Variants in NELL2 observed in about 807,000 individuals in gnomAD.
NELL2 encodes the protein protein kinase C-binding protein NELL2.
A neutral mutation model predicts 109.6 loss-of-function variants in NELL2; 41 were observed. The ratio of observed to expected loss-of-function variants is 0.37; its 90% CI spans 0.29 to 0.49. The LOEUF (loss-of-function observed/expected upper bound fraction) is 0.49, where lower values mean the gene tolerates loss of function less well. Ranked by LOEUF, NELL2 falls within the 20% of genes least tolerant of loss-of-function variation. The pLI is 0.98. For synonymous variants in NELL2, 355 were observed against 344.7 expected (o/e 1.03, Z -0.33); for missense variants, 900 against 1,008.3 (o/e 0.89, Z 1.45).
At chr12:44,642,196 G>C (rs1946885067) in intron 13 of NELL2, among the ~76,000 whole-genome samples, 2 of 152,116 alleles carry the variant, frequency 1.3e-5, no homozygotes, top group South Asian at 4.1e-4. Flanking sequence ...CTACCATCTA[G>C]GCAAGGGTTC....
intron 6 of NELL2, 46 bp from the exon 7 acceptor site, chr12:44,777,170 G>A: frequency 1.2e-6 from 2 of 1,608,632 alleles, no homozygotes; most frequent in Non-Finnish European, 1.7e-6. Context: ...TTTATAAGGG[G>A]TTCAATCTGG....
intron 3 of NELL2, among the ~76,000 whole-genome samples, chr12:44,803,930 T>C (rs1171470923): frequency 6.6e-6 from 1 of 151,946 alleles, no homozygotes; most frequent in African/African-American, 2.4e-5. Flanking sequence ...TTCTTGAAAA[T>C]GTGCATAGTT....
At chr12:44,708,674 C>T (rs561193589) in intron 11 of NELL2, among the ~76,000 whole-genome samples, 70 of 152,166 alleles carry the variant, frequency 4.6e-4, no homozygotes, top group African/African-American at 1.7e-3. Flanking sequence ...TTAAAAATAG[C>T]GCTAAATATT....
At chr12:44,732,815 A>G (rs1939438956) in intron 9 of NELL2, among the ~76,000 whole-genome samples, 2 of 152,074 alleles carry the variant, frequency 1.3e-5, no homozygotes, top group East Asian at 1.9e-4. Flanking sequence ...AGGAGTCACT[A>G]TTCAAGATAC....
At position 44,849,370 on chromosome 12, in the gene NELL2, C is replaced by T. The variant is rs182846332; in HGVS notation, c.184+25855G>A. On this transcript the variant is annotated intron_variant, in intron 2 of 19. Coordinates refer to ENST00000429094, the MANE Select transcript of NELL2 (RefSeq NM_001145108.2). ...AAAGATGCAAATCTCATTTTTAGAA[C>T]AACTAAATGGACAGTTCACAAATAG... 1.5e-3 allele frequency among the ~76,000 whole-genome samples: 233 copies of T among 152,158 alleles called. 1 individual carries two copies. The highest frequency in any genetic ancestry group is 5.5e-3 in the African/African-American group (228 of 41,536).
At chr12:44,601,895 T>C (rs1181112128) in intron 15 of NELL2, among the ~76,000 whole-genome samples, 1 of 152,176 alleles carries the variant, frequency 6.6e-6, no homozygotes, top group African/African-American at 2.4e-5. Context: ...AGGCCAATGT[T>C]TCTCTGACTT....
intron 15 of NELL2, among the ~76,000 whole-genome samples, chr12:44,558,760 CACTG>C (rs1260429396): frequency 6.6e-6 from 1 of 152,142 alleles, no homozygotes; most frequent in Non-Finnish European, 1.5e-5. Flanking sequence ...TTTGGGCAGA[CACTG>C]AGCTAGCTGC....
intron 2 of NELL2, among the ~76,000 whole-genome samples, chr12:44,816,467 G>C (rs1943354979): frequency 6.6e-6 from 1 of 152,002 alleles, no homozygotes; most frequent in Non-Finnish European, 1.5e-5. Flanking sequence ...AGATAACACA[G>C]CAACATCAGT....
chr12:44,842,132 G>GAAGGAAGT, intron 2 of NELL2, among the ~76,000 whole-genome samples: 2 of 150,318 alleles, frequency 1.3e-5, no homozygotes, highest in South Asian at 2.1e-4. Flanking sequence ...AGGAAGGAAG[G>GAAGGAAGT]AAGGAAAGGG....
chr12:44,626,091 T>C (rs1296767444), intron 13 of NELL2, among the ~76,000 whole-genome samples: 1 of 152,162 alleles, frequency 6.6e-6, no homozygotes, highest in Non-Finnish European at 1.5e-5. Flanking sequence ...ACAATATATA[T>C]ATCAACATAT....
intron 15 of NELL2, among the ~76,000 whole-genome samples, chr12:44,583,898 G>C (rs561106540): frequency 6.6e-6 from 1 of 151,996 alleles, no homozygotes; most frequent in African/African-American, 2.4e-5. Flanking sequence ...TCAGCCTCCC[G>C]AACAGCTGGG....
chr12:44,542,950 A>C (rs747296621), intron 15 of NELL2, among the ~76,000 whole-genome samples: 1 of 152,160 alleles, frequency 6.6e-6, no homozygotes, highest in Non-Finnish European at 1.5e-5. Flanking sequence ...TAATTTTCCT[A>C]GTGTCTGCAG....
intron 9 of NELL2, among the ~76,000 whole-genome samples, chr12:44,727,882 T>A (rs1244241092): frequency 2.6e-5 from 4 of 152,092 alleles, no homozygotes; most frequent in Admixed American, 2.6e-4. Flanking sequence ...TACCCCCAAA[T>A]GCCTCTGGAA....
intron 9 of NELL2, among the ~76,000 whole-genome samples, chr12:44,724,354 T>A (rs1421145266): frequency 6.6e-6 from 1 of 151,768 alleles, no homozygotes; most frequent in East Asian, 1.9e-4. Context: ...ATGCAGTTTA[T>A]CCATATAACA....
rs1176242379 is a variant in NELL2, at chr12:44,665,613, T to C, written c.1319-4A>G. 6.2e-7 allele frequency: 1 copy of C among 1,611,156 alleles called. No homozygotes were observed. The highest frequency in any genetic ancestry group is 2.2e-5 in the East Asian group (1 of 44,838). ...CCTTCAGCACACTCATCGATGTCTGTGAAGAAAAACAGGACAAAGAGGTCA... is the reference window on the plus strand; with the variant it reads ...CCTTCAGCACACTCATCGATGTCTGCGAAGAAAAACAGGACAAAGAGGTCA... On this transcript the variant is annotated splice_polypyrimidine_tract_variant and splice_region_variant and intron_variant, in intron 12 of 19. Coordinates refer to ENST00000429094, the MANE Select transcript of NELL2 (RefSeq NM_001145108.2).
rs527916422 is a variant in NELL2, at chr12:44,724,895, G to T, written c.995-10154C>A. Among the ~76,000 whole-genome samples, 29 of 148,278 alleles carry T rather than the reference G, an allele frequency of 2.0e-4. No homozygotes were observed. In the Middle Eastern group the frequency reaches 0.014, roughly 73 times the overall value. On this transcript the variant is annotated intron_variant, in intron 9 of 19. Coordinates refer to ENST00000429094, the MANE Select transcript of NELL2 (RefSeq NM_001145108.2). ...CTACAAGTCTACCAAAACCAAAACAGCATGGTACTGGTATAAAAACAGGAC... is the reference window on the plus strand; with the variant it reads ...CTACAAGTCTACCAAAACCAAAACATCATGGTACTGGTATAAAAACAGGAC...
At chr12:44,561,732 T>C (rs1458830896) in intron 15 of NELL2, among the ~76,000 whole-genome samples, 2 of 152,146 alleles carry the variant, frequency 1.3e-5, no homozygotes, top group East Asian at 1.9e-4. Context: ...ATAGTGAAAA[T>C]GGCCACACTG....
At chr12:44,872,632 C>T (rs1253365171) in intron 2 of NELL2, among the ~76,000 whole-genome samples, 1 of 151,972 alleles carries the variant, frequency 6.6e-6, no homozygotes, top group Non-Finnish European at 1.5e-5. Context: ...TATTTTAAAG[C>T]TAAAAGACAG....
At chr12:44,615,846 A>T (rs1011483598) in intron 13 of NELL2, among the ~76,000 whole-genome samples, 1 of 152,144 alleles carries the variant, frequency 6.6e-6, no homozygotes, top group Non-Finnish European at 1.5e-5. Context: ...TGTTCATACT[A>T]AAACCCACAT....
Sources: allele counts gnomAD v4.1 joint callset (sites outside exome capture counted in the v4.1 genomes callset), GRCh38; gene constraint gnomAD v4.1.1; transcripts MANE v1.5; gene names NCBI Gene and HGNC (gene_info 2026-07-23, HGNC 2026-07-21).